MED12L: variants seen among roughly 807,000 people sequenced by gnomAD.
The protein encoded by MED12L is mediator of RNA polymerase II transcription subunit 12-like protein.
MED12L carries 60 observed loss-of-function variants against 281.3 expected under a neutral mutation model. The observed-to-expected ratio is 0.21, with a 90% CI of 0.17 to 0.26. The LOEUF is 0.26. Ranked by LOEUF, MED12L falls within the 10% of genes least tolerant of loss-of-function variation. The pLI is 1.00. For missense variants in MED12L, 2,146 were observed against 2,680.9 expected, an observed-to-expected ratio of 0.80 and a Z score of 4.41; for synonymous variants, 974 against 987.2, an observed-to-expected ratio of 0.99 and a Z score of 0.25.
chr3:151,322,202 T>C lies in MED12L; in HGVS notation c.2251-27857T>C, dbSNP rs563024472. On this transcript the variant is annotated intron_variant, in intron 16 of 44. Transcript: ENST00000687756. ...TGATTTGTTTCTCCCTGGAAGTCTT[T>C]TGAGGCAGGGTCTTGCTCTGTCATC... Among the ~76,000 whole-genome samples the C allele has an allele frequency of 6.6e-5, 10 of 152,312 alleles. No individual in the cohort carries two copies. In the East Asian group the frequency reaches 1.9e-3, roughly 29 times the overall value.
Position 151,376,826 on chromosome 3 carries a change from A to G in MED12L, c.4080A>G (p.Gln1360=), listed in dbSNP as rs756418141. 23 of 1,613,942 alleles carry G rather than the reference A, an allele frequency of 1.4e-5. No individual in the cohort carries two copies. In the African/African-American group the frequency reaches 1.7e-4, roughly 12 times the overall value. Residue 1360 remains glutamine (Q), a synonymous_variant, in exon 29 of 45, where the codon CAA becomes CAG. Coordinates refer to ENST00000687756, the MANE Select transcript of MED12L (RefSeq NM_001393769.1). ...ATCTTGAGCAGTGGACACTGAGGCA[A>G]TCCTGGTTAGAACTCCAGCTAATGA... ...LQNLEQWTLR[Q]SWLELQLMIK...
chr3:151,158,568 G>A, intron 6 of MED12L, 121 bp from the exon 7 acceptor site: 4 of 598,490 alleles, frequency 6.7e-6, no homozygotes, highest in Non-Finnish European at 1.2e-5. Flanking sequence ...TGTGAGCAAT[G>A]AGACTATGTT....
intron 7 of MED12L, 141 bp downstream of exon 7, chr3:151,158,940 A>T: frequency 1.5e-6 from 1 of 655,178 alleles, no homozygotes; most frequent in Non-Finnish European, 2.7e-6. Context: ...GCTATAACAC[A>T]TGAAGTGATA....
At chr3:151,338,088 T>A in intron 16 of MED12L, 1 of 1,613,588 alleles carries the variant, frequency 6.2e-7, no homozygotes, top group South Asian at 1.1e-5. Flanking sequence ...TCGGGCAAAA[T>A]GGAAAGGAAC....
At chr3:151,138,679 T>C (rs1716492387) in intron 5 of MED12L, among the ~76,000 whole-genome samples, 1 of 152,212 alleles carries the variant, frequency 6.6e-6, no homozygotes, top group Non-Finnish European at 1.5e-5. Flanking sequence ...CTGATATTTT[T>C]CTTATGGTTA....
At chr3:151,119,911 C>A (rs545210630) in intron 3 of MED12L, among the ~76,000 whole-genome samples, 1 of 152,070 alleles carries the variant, frequency 6.6e-6, no homozygotes, top group South Asian at 2.1e-4. Flanking sequence ...TGGATGGAAA[C>A]AAATGTTAAA....
At chr3:151,408,563 A>C (rs538066180) in intron 39 of MED12L, among the ~76,000 whole-genome samples, 3 of 152,332 alleles carry the variant, frequency 2.0e-5, no homozygotes, top group African/African-American at 7.2e-5. Flanking sequence ...TGCCACCAAA[A>C]CATAAAACAC....
At chr3:151,151,668 T>A (rs768533352) in intron 5 of MED12L, among the ~76,000 whole-genome samples, 7 of 152,026 alleles carry the variant, frequency 4.6e-5, no homozygotes, top group Non-Finnish European at 7.4e-5. Flanking sequence ...ATCCATTAAG[T>A]TGGCTGTCTT....
chr3:151,294,355 T>G lies in MED12L; in HGVS notation c.2251-55704T>G, dbSNP rs1470621834. 6 of 1,614,116 alleles carry G rather than the reference T, an allele frequency of 3.7e-6. No homozygotes were observed. In the South Asian group the frequency reaches 6.6e-5, roughly 18 times the overall value. On this transcript the variant is annotated intron_variant, in intron 16 of 44. Coordinates refer to ENST00000687756, the MANE Select transcript of MED12L (RefSeq NM_001393769.1). The stretch of plus-strand genomic sequence containing the variant: ...TACACGCAGACAAGAAAAGTGTAAT[T>G]TCTTTGCAGTAATATAGGATTTTTT...
chr3:151,315,249 A>C (rs983374280), intron 16 of MED12L, among the ~76,000 whole-genome samples: 1 of 152,140 alleles, frequency 6.6e-6, no homozygotes, highest in East Asian at 1.9e-4. Context: ...GTGGTTCTTA[A>C]AGAGAGTTAA....
intron 21 of MED12L, among the ~76,000 whole-genome samples, chr3:151,363,869 T>C (rs549452840): frequency 2.8e-4 from 43 of 152,266 alleles, no homozygotes; most frequent in African/African-American, 9.4e-4. Flanking sequence ...TTGGTAAACA[T>C]TGAACTGAAC....
chr3:151,199,520 C>T, intron 16 of MED12L: 1 of 727,600 alleles, frequency 1.4e-6, no homozygotes, highest in Non-Finnish European at 2.2e-6. Flanking sequence ...CTTCACAATA[C>T]CGTTGTCTTT....
intron 16 of MED12L, among the ~76,000 whole-genome samples, chr3:151,276,551 G>A (rs539171564): frequency 2.6e-5 from 4 of 152,252 alleles, no homozygotes; most frequent in South Asian, 2.1e-4. Context: ...ACTTGTGACC[G>A]ACCTAACTTC....
At chr3:151,233,832 C>T (rs1282665222) in intron 16 of MED12L, among the ~76,000 whole-genome samples, 1 of 152,246 alleles carries the variant, frequency 6.6e-6, no homozygotes, top group Non-Finnish European at 1.5e-5. Flanking sequence ...CGCCTTTCTC[C>T]GCCTTGTGGT....
chr3:151,088,827 C>G (rs906589614), intron 2 of MED12L, among the ~76,000 whole-genome samples: 10 of 152,172 alleles, frequency 6.6e-5, no homozygotes, highest in Admixed American at 2.6e-4. Flanking sequence ...ACCACCAAAC[C>G]AGTATTTATG....
At chr3:151,247,761 TAA>T (rs71138490) in intron 16 of MED12L, among the ~76,000 whole-genome samples, 50 of 144,150 alleles carry the variant, frequency 3.5e-4, no homozygotes, top group South Asian at 4.3e-4. Flanking sequence ...TAATGTATAA[TAA>T]AAAAAAAAAG....
At chr3:151,293,581 A>ACACACACACACACACACC (rs1413412576) in intron 16 of MED12L, among the ~76,000 whole-genome samples, 1 of 81,204 alleles carries the variant, frequency 1.2e-5, no homozygotes, top group African/African-American at 3.8e-5. Context: ...GCCCTTACAC[A>ACACACACACACACACACC]CACACACACA....
intron 16 of MED12L, among the ~76,000 whole-genome samples, chr3:151,248,625 T>C (rs1384568207): frequency 1.3e-5 from 2 of 152,144 alleles, no homozygotes. Context: ...TAATGCCTAA[T>C]GTACAAGCCC....
In MED12L at chr3:151,328,834, G is replaced by A. The variant is rs1472248628; in HGVS notation, c.2251-21225G>A. The stretch of plus-strand genomic sequence containing the variant: ...TGAGGTAGATGATGAAGGTGGAGGA[G>A]CTGGGGATGTGAACAAACACCCACA... On this transcript the variant is annotated intron_variant, in intron 16 of 44. Coordinates refer to ENST00000687756, the MANE Select transcript of MED12L (RefSeq NM_001393769.1). 3.7e-6 allele frequency: 6 copies of A among 1,613,868 alleles called. No individual in the cohort carries two copies. In the South Asian group the frequency reaches 5.5e-5, roughly 15 times the overall value.
Sources: gnomAD v4.1 joint callset for allele counts (sites outside exome capture counted in the v4.1 genomes callset) on GRCh38, gnomAD v4.1.1 for gene constraint, MANE v1.5 for transcripts, NCBI Gene and HGNC (gene_info 2026-07-23, HGNC 2026-07-21) for gene names.